The following MAP7D1 variants were observed in gnomAD, a reference collection of about 807,000 sequenced individuals.
The protein encoded by MAP7D1 is MAP7 domain-containing protein 1.
A neutral mutation model predicts 97.5 loss-of-function variants in MAP7D1; 30 were observed. The observed-to-expected ratio is 0.31, with a 90% CI of 0.23 to 0.42. MAP7D1 has a LOEUF of 0.42. MAP7D1 is among the 10% of genes least tolerant of loss of function. The probability of loss-of-function intolerance (pLI) is 1.00; values close to 1 mark genes in which losing one functional copy is unlikely to be tolerated. For synonymous variants in MAP7D1, 536 were observed against 477.1 expected (o/e 1.12, Z -1.61); for missense variants, 1,184 against 1,179.5 (o/e 1.00, Z -0.06).
intron 1 of MAP7D1, among the ~76,000 whole-genome samples, chr1:36,167,609 C>A (rs1169736707): frequency 6.6e-6 from 1 of 152,206 alleles, no homozygotes; most frequent in African/African-American, 2.4e-5. Context: ...GCCAACAACT[C>A]CATGAGGGAA....
chr1:36,170,958 G>C lies in MAP7D1; in HGVS notation c.47-13G>C, dbSNP rs1320248723. On this transcript the variant is annotated splice_polypyrimidine_tract_variant and intron_variant, in intron 1 of 16. Transcript: ENST00000474796. The stretch of plus-strand genomic sequence containing the variant: ...CAATCTGACCTCTCTCCTCTCTTGT[G>C]TTGGTCTTTCAGCTGTGGTCGCCAG... 8.4e-7 allele frequency: 1 copy of C among 1,188,472 alleles called. No homozygotes were observed. Among genetic ancestry groups the C allele is most frequent in the East Asian group, 2.3e-5 (1 of 42,774 alleles). The allele number at this position is 1,188,472 out of a possible 1,614,324, so 73.6% of individuals were successfully genotyped here.
chr1:36,171,327 G>A lies in MAP7D1; in HGVS notation c.391+12G>A. ...TCCCACCAAGCAAGGTGTGTGTAATGACCCCGGCCTGGGCCTAAACCTCTT... is the reference window on the plus strand; with the variant it reads ...TCCCACCAAGCAAGGTGTGTGTAATAACCCCGGCCTGGGCCTAAACCTCTT... On this transcript the variant is annotated intron_variant, in intron 2 of 16. Coordinates refer to ENST00000474796, the MANE Select transcript of MAP7D1 (RefSeq NM_001388490.1). 6.4e-7 allele frequency: 1 copy of A among 1,553,118 alleles called. No individual in the cohort carries two copies. Among genetic ancestry groups the A allele is most frequent in the Non-Finnish European group, 8.7e-7 (1 of 1,148,926 alleles).
In MAP7D1 at chr1:36,172,618, G is replaced by A; in HGVS notation, c.615G>A (p.Glu205=). Residue 205 remains glutamate, a synonymous_variant, in exon 4 of 17, where the codon GAG becomes GAA. Coordinates refer to ENST00000474796, the MANE Select transcript of MAP7D1 (RefSeq NM_001388490.1). ...ALEERQRQKL[E]KNKERYEAAI... is the part of the protein sequence containing the mutation. ...AGGAACGGCAGCGGCAGAAGCTCGA[G>A]AAAAACAAGGTGCGGGATGGGTCTC... 1 of 1,569,058 alleles carries A rather than the reference G, an allele frequency of 6.4e-7. No individual in the cohort carries two copies. The highest frequency in any genetic ancestry group is 8.7e-7 in the Non-Finnish European group (1 of 1,147,224).
At chr1:36,161,103 C>T (rs770065820) in intron 1 of MAP7D1, among the ~76,000 whole-genome samples, 3 of 152,198 alleles carry the variant, frequency 2.0e-5, no homozygotes, top group African/African-American at 4.8e-5. Context: ...GGCCGCCAGC[C>T]GGGCCAGAGA....
chr1:36,177,632 CTTA>C (rs1212042255), intron 8 of MAP7D1: 8 of 747,690 alleles, frequency 1.1e-5, no homozygotes, highest in African/African-American at 5.2e-5. Flanking sequence ...GGTTTTTTCT[CTTA>C]TTAAGCTTAC....
At chr1:36,171,622 C>T (rs758244154) in intron 3 of MAP7D1, 41 bp downstream of exon 3, 22 of 1,602,860 alleles carry the variant, frequency 1.4e-5, no homozygotes, top group Non-Finnish European at 1.7e-5. Context: ...TCATCGTCAT[C>T]ATCAGCATCC....
intron 2 of MAP7D1, 61 bp downstream of exon 2, chr1:36,171,376 C>T: frequency 6.5e-7 from 1 of 1,540,054 alleles, no homozygotes; most frequent in Non-Finnish European, 8.8e-7. Flanking sequence ...GGCCCTGGAT[C>T]ATGCCAACTG....
intron 4 of MAP7D1, among the ~76,000 whole-genome samples, chr1:36,172,976 A>G (rs1213376608): frequency 6.6e-6 from 1 of 152,206 alleles, no homozygotes; most frequent in Non-Finnish European, 1.5e-5. Context: ...TGGTGAGGAA[A>G]TGAAGGAAAT....
Position 36,179,254 on chromosome 1 carries a change from C to A in MAP7D1, c.2131-8C>A. The A allele has an allele frequency of 1.2e-6, 2 of 1,613,778 alleles. No individual in the cohort carries two copies. ...CTCGAGCCTAACTGATCTGCGGCCTCCAAACAGCGTCTGGAGGAGATCATG... is the reference window on the plus strand; with the variant it reads ...CTCGAGCCTAACTGATCTGCGGCCTACAAACAGCGTCTGGAGGAGATCATG... On this transcript the variant is annotated splice_region_variant and splice_polypyrimidine_tract_variant and intron_variant, in intron 12 of 16. Transcript: ENST00000474796.
At chr1:36,171,631 C>T (rs752900197) in intron 3 of MAP7D1, 50 bp downstream of exon 3, 2 of 1,596,904 alleles carry the variant, frequency 1.3e-6, no homozygotes, top group South Asian at 1.1e-5. Context: ...TCATCAGCAT[C>T]CTATTAATAA....
chr1:36,175,065 T>C, intron 6 of MAP7D1, 57 bp downstream of exon 6: 1 of 1,172,028 alleles, frequency 8.5e-7, no homozygotes, highest in Non-Finnish European at 1.3e-6. Context: ...CCACCAAGCC[T>C]CCTCCAGAGC....
At chr1:36,174,208 A>T (rs1456168068) in intron 5 of MAP7D1, among the ~76,000 whole-genome samples, 2 of 152,182 alleles carry the variant, frequency 1.3e-5, no homozygotes, top group Admixed American at 6.5e-5. Context: ...ATGAGGTCAC[A>T]TGTGTGTGGT....
chr1:36,172,304 A>G (rs952357942), intron 3 of MAP7D1, 160 bp from the exon 4 acceptor site: 11 of 640,240 alleles, frequency 1.7e-5, no homozygotes, highest in African/African-American at 5.5e-5. Flanking sequence ...AAGCCTCTCA[A>G]TTTGAGGGGG....
intron 1 of MAP7D1, among the ~76,000 whole-genome samples, chr1:36,169,003 G>A (rs1644506926): frequency 6.6e-6 from 1 of 152,184 alleles, no homozygotes; most frequent in Non-Finnish European, 1.5e-5. Flanking sequence ...TGTAATCCCA[G>A]CACTTTGGGA....
intron 1 of MAP7D1, chr1:36,157,128 G>A (rs1644345865): frequency 6.6e-6 from 1 of 152,276 alleles, no homozygotes; most frequent in Non-Finnish European, 1.5e-5. Context: ...ATTGTTTGGG[G>A]TGAGGGCGGG....
intron 4 of MAP7D1, among the ~76,000 whole-genome samples, 182 bp downstream of exon 4, chr1:36,172,809 C>T (rs145146196): frequency 1.3e-4 from 20 of 152,336 alleles, no homozygotes; most frequent in African/African-American, 4.6e-4. Context: ...CAACTGCAGG[C>T]ACATTTGCTT....
chr1:36,171,374 A>G, intron 2 of MAP7D1, 59 bp downstream of exon 2: 1 of 1,541,690 alleles, frequency 6.5e-7, no homozygotes, highest in Non-Finnish European at 8.8e-7. Context: ...CTGGCCCTGG[A>G]TCATGCCAAC....
intron 5 of MAP7D1, among the ~76,000 whole-genome samples, chr1:36,173,822 C>T (rs112040419): frequency 5.6e-4 from 86 of 152,298 alleles, no homozygotes; most frequent in African/African-American, 1.9e-3. Context: ...CTCCTTGTCT[C>T]GGAAGGTAGA....
At chr1:36,173,237 G>A (rs1211803940) in intron 4 of MAP7D1, 127 bp from the exon 5 acceptor site, 6 of 692,548 alleles carry the variant, frequency 8.7e-6, no homozygotes, top group African/African-American at 1.8e-5. Context: ...TACCTGCAAT[G>A]AGTCAGGAAA....
Sources: allele counts gnomAD v4.1 joint callset (sites outside exome capture counted in the v4.1 genomes callset), GRCh38; gene constraint gnomAD v4.1.1; transcripts MANE v1.5; gene names NCBI Gene and HGNC (gene_info 2026-07-23, HGNC 2026-07-21).